Variants in ZNF136 observed in about 807,000 individuals in gnomAD.
The protein encoded by ZNF136 is zinc finger protein 136.
Under a neutral mutation model 11.4 loss-of-function variants are expected in ZNF136, and 8 were observed. The observed-to-expected ratio is 0.70, with a 90% confidence interval of 0.41 to 1.27. ZNF136 has a LOEUF of 1.27. Among genes scored for constraint, ZNF136 ranks in the 50% most tolerant of loss-of-function variants. ZNF136 has a pLI of 0.01. For missense variants in ZNF136, 590 were observed against 656.5 expected, an observed-to-expected ratio of 0.90 and a Z score of 1.11; for synonymous variants, 190 against 207.1, an observed-to-expected ratio of 0.92 and a Z score of 0.71.
At chr19:12,172,238 T>C (rs1477543460) in intron 1 of ZNF136, among the ~76,000 whole-genome samples, 1 of 152,156 alleles carries the variant, frequency 6.6e-6, no homozygotes, top group Non-Finnish European at 1.5e-5. Context: ...CGTGAGCCAC[T>C]GTGCCTGGCT....
intron 1 of ZNF136, among the ~76,000 whole-genome samples, chr19:12,172,668 C>T (rs986080838): frequency 7.2e-5 from 11 of 152,168 alleles, no homozygotes; most frequent in South Asian, 4.2e-4. Context: ...AGGTGAGACT[C>T]GGAGGAGACA....
At chr19:12,166,499 T>G (rs547467282) in intron 1 of ZNF136, among the ~76,000 whole-genome samples, 2 of 152,278 alleles carry the variant, frequency 1.3e-5, no homozygotes, top group African/African-American at 4.8e-5. Flanking sequence ...TTACAAAGAT[T>G]CACCAAAACA....
intron 1 of ZNF136, among the ~76,000 whole-genome samples, chr19:12,174,905 T>C (rs1320316584): frequency 1.4e-5 from 2 of 143,252 alleles, no homozygotes; most frequent in Admixed American, 7.1e-5. Flanking sequence ...TTGCCCAGGC[T>C]GGAGTACAAT....
intron 1 of ZNF136, among the ~76,000 whole-genome samples, chr19:12,182,757 G>A (rs939702331): frequency 6.6e-6 from 1 of 152,140 alleles, no homozygotes; most frequent in Non-Finnish European, 1.5e-5. Context: ...GCATGGGGGT[G>A]GGGGCACAGT....
intron 1 of ZNF136, among the ~76,000 whole-genome samples, chr19:12,171,105 G>C (rs1002896641): frequency 9.9e-5 from 15 of 151,886 alleles, no homozygotes; most frequent in African/African-American, 3.6e-4. Flanking sequence ...AAAGTGCTGG[G>C]ATTACAGGCA....
At chr19:12,169,955 C>T (rs750164403) in intron 1 of ZNF136, among the ~76,000 whole-genome samples, 92 of 151,930 alleles carry the variant, frequency 6.1e-4, no homozygotes, top group Non-Finnish European at 3.2e-4. Context: ...CCACCACGTC[C>T]GGCTAATTTT....
chr19:12,168,265 G>A (rs1320619496), intron 1 of ZNF136, among the ~76,000 whole-genome samples: 1 of 151,294 alleles, frequency 6.6e-6, no homozygotes, highest in Non-Finnish European at 1.5e-5. Context: ...GTAGAAACGG[G>A]GTTTCACCAT....
chr19:12,180,368 A>G (rs1490620568), intron 1 of ZNF136, among the ~76,000 whole-genome samples: 1 of 152,226 alleles, frequency 6.6e-6, no homozygotes, highest in Non-Finnish European at 1.5e-5. Context: ...AACATCCAGA[A>G]TTAAGCACAA....
intron 1 of ZNF136, 134 bp from the exon 2 acceptor site, chr19:12,185,651 T>C: frequency 8.8e-7 from 1 of 1,139,722 alleles, no homozygotes; most frequent in Non-Finnish European, 1.2e-6. Flanking sequence ...TGGAAGGAAG[T>C]GAGTATGATG....
rs757832466 is a variant in ZNF136 at position 12,186,850 on chromosome 19, C to G, written c.472C>G (p.His158Asp). The G allele has an allele frequency of 1.2e-6, 2 of 1,614,124 alleles. No homozygotes were observed. The highest frequency in any genetic ancestry group is 1.7e-6 in the Non-Finnish European group (2 of 1,180,016). The part of the protein sequence containing the change: ...PFSSHHSFRT[H>D]EIIHTGEKLY... Reference sequence around the variant, plus strand: ...CAGTTCTCACCACTCCTTTCGAACACATGAGATAATTCACACTGGAGAGAA... The same window carrying G: ...CAGTTCTCACCACTCCTTTCGAACAGATGAGATAATTCACACTGGAGAGAA... Residue 158 changes from histidine (H) to aspartate (D), a missense_variant, in exon 4 of 4, where the codon CAT (histidine) becomes GAT (aspartate). His to Asp is a moderately conservative substitution (Grantham distance 81). Coordinates refer to ENST00000343979, the MANE Select transcript of ZNF136 (RefSeq NM_003437.5).
chr19:12,166,772 CA>C (rs1446317557), intron 1 of ZNF136, among the ~76,000 whole-genome samples: 1 of 152,186 alleles, frequency 6.6e-6, no homozygotes. Flanking sequence ...CTCCCATAAA[CA>C]TTAAGATTGA....
intron 1 of ZNF136, among the ~76,000 whole-genome samples, chr19:12,174,857 C>CTTTTTTTTTT (rs538143217): frequency 1.4e-4 from 12 of 87,250 alleles, no homozygotes; most frequent in South Asian, 3.7e-4. Flanking sequence ...GGATGGCTTT[C>CTTTTTTTTTT]TTTTTTTTTT....
At chr19:12,185,107 A>G (rs1367527709) in intron 1 of ZNF136, 2 of 152,276 alleles carry the variant, frequency 1.3e-5, no homozygotes, top group African/African-American at 4.8e-5. Context: ...TCTCTTGGCA[A>G]CTATATTTAT....
intron 1 of ZNF136, among the ~76,000 whole-genome samples, chr19:12,170,059 G>C (rs916589336): frequency 4.0e-5 from 6 of 149,298 alleles, no homozygotes; most frequent in Non-Finnish European, 6.0e-5. Flanking sequence ...CTCCCAAAGT[G>C]CTGGGATTAC....
At chr19:12,175,827 C>T (rs961709412) in intron 1 of ZNF136, among the ~76,000 whole-genome samples, 2 of 152,196 alleles carry the variant, frequency 1.3e-5, no homozygotes, top group African/African-American at 4.8e-5. Context: ...TGACTTCTGG[C>T]AGCCACTGAT....
At chr19:12,165,407 T>G (rs1288293667) in intron 1 of ZNF136, among the ~76,000 whole-genome samples, 1 of 152,214 alleles carries the variant, frequency 6.6e-6, no homozygotes, top group East Asian at 1.9e-4. Flanking sequence ...TTCATTTAGT[T>G]GAAAGTGCAT....
At chr19:12,166,271 CT>C (rs1272330182) in intron 1 of ZNF136, among the ~76,000 whole-genome samples, 1 of 151,826 alleles carries the variant, frequency 6.6e-6, no homozygotes, top group Non-Finnish European at 1.5e-5. Context: ...ACAACAAATT[CT>C]TATTTTCTTT....
intron 1 of ZNF136, among the ~76,000 whole-genome samples, chr19:12,166,406 G>T (rs1198691562): frequency 1.3e-5 from 2 of 152,102 alleles, no homozygotes; most frequent in Admixed American, 1.3e-4. Context: ...AAAGAAATGG[G>T]GGTGGGGAGA....
At position 12,187,561 on chromosome 19, in the gene ZNF136, A is replaced by G. The variant is rs773717111; in HGVS notation, c.1183A>G (p.Lys395Glu). ...KHTGEGPYKCKVCGKPFHSLS... is the reference protein window; with the variant it reads ...KHTGEGPYKCEVCGKPFHSLS... ...TACTGGAGAAGGACCTTATAAATGT[A>G]AGGTATGTGGGAAACCCTTTCATTC... Residue 395 changes from lysine (K) to glutamate (E), a missense_variant, in exon 4 of 4, where the codon AAG (lysine) becomes GAG (glutamate). Transcript: ENST00000343979. The G allele has an allele frequency of 6.2e-7, 1 of 1,614,122 alleles. No individual in the cohort carries two copies. Among genetic ancestry groups the G allele is most frequent in the Non-Finnish European group, 8.5e-7 (1 of 1,180,004 alleles).
Sources: allele counts gnomAD v4.1 joint callset (sites outside exome capture counted in the v4.1 genomes callset), GRCh38; gene constraint gnomAD v4.1.1; transcripts MANE v1.5; gene names NCBI Gene and HGNC (gene_info 2026-07-23, HGNC 2026-07-21).